The following TRIM14 variants were observed in gnomAD, a reference collection of about 807,000 sequenced individuals.
TRIM14 encodes the protein tripartite motif-containing protein 14.
TRIM14 carries 28 observed loss-of-function variants against 44.5 expected under a neutral mutation model. That is an observed-to-expected ratio of 0.63 (90% confidence interval 0.47 to 0.86). The LOEUF is 0.86. Ranked by LOEUF, TRIM14 falls within the 40% of genes least tolerant of loss-of-function variation. The pLI, the probability that TRIM14 is intolerant of heterozygous loss-of-function variation, is 0.00. For missense variants in TRIM14, 607 were observed against 611.1 expected (o/e 0.99, Z 0.07); for synonymous variants, 299 against 269.2 (o/e 1.11, Z -1.08).
At chr9:98,078,622 G>C (rs1326403742) in intron 6 of TRIM14, among the ~76,000 whole-genome samples, 1 of 151,890 alleles carries the variant, frequency 6.6e-6, no homozygotes, top group Non-Finnish European at 1.5e-5. Context: ...GATCACCTGA[G>C]GTCAGGAGTT....
intron 2 of TRIM14, among the ~76,000 whole-genome samples, chr9:98,102,184 G>T (rs1826424427): frequency 6.6e-6 from 1 of 152,136 alleles, no homozygotes; most frequent in South Asian, 2.1e-4. Flanking sequence ...CTGCACCCAG[G>T]CATCCTGTCT....
chr9:98,087,464 T>A lies in TRIM14; in HGVS notation c.*6A>T. On this transcript the variant is annotated 3_prime_UTR_variant, in exon 6 of 6. Transcript: ENST00000341469. ...TACCTGGAGGCTGTCACGCCGGTCCTGGCCCCTAGGGCAGCCGGGGGATGC... is the reference window on the plus strand; with the variant it reads ...TACCTGGAGGCTGTCACGCCGGTCCAGGCCCCTAGGGCAGCCGGGGGATGC... The A allele has an allele frequency of 6.2e-7, 1 of 1,606,410 alleles. No individual in the cohort carries two copies.
At chr9:98,067,827 T>G (rs1195512928), downstream of TRIM14, among the ~76,000 whole-genome samples, 1 of 133,452 alleles carries the variant, frequency 7.5e-6, no homozygotes, top group East Asian at 2.0e-4. Context: ...GCTCAAGCAA[T>G]CCTCCCACCT....
chr9:98,046,322 G>A, the TRIM14 span, among the ~76,000 whole-genome samples: 9 of 152,096 alleles, frequency 5.9e-5, no homozygotes, highest in Admixed American at 5.2e-4. Flanking sequence ...CGTACTAAAG[G>A]TAACTTACAG....
chr9:98,113,258 C>T (rs544334915), intron 1 of TRIM14, among the ~76,000 whole-genome samples: 55 of 152,146 alleles, frequency 3.6e-4, no homozygotes, highest in African/African-American at 1.3e-3. Context: ...CATTGATCTG[C>T]TCTTTAATAG....
At chr9:98,043,509 A>T in the TRIM14 span, among the ~76,000 whole-genome samples, 2 of 152,198 alleles carry the variant, frequency 1.3e-5, no homozygotes, top group Non-Finnish European at 2.9e-5. Context: ...GAAAAATCAG[A>T]TAGCAAAATT....
the TRIM14 span, chr9:98,057,088 A>T: frequency 8.4e-7 from 1 of 1,195,464 alleles, no homozygotes; most frequent in Non-Finnish European, 1.1e-6. Flanking sequence ...AATCCTTCGG[A>T]TCCCTCTTCC....
At chr9:98,051,209 G>A in the TRIM14 span, among the ~76,000 whole-genome samples, 1 of 152,122 alleles carries the variant, frequency 6.6e-6, no homozygotes, top group Non-Finnish European at 1.5e-5. Context: ...TATGACTATC[G>A]CGAGGATAAC....
At chr9:98,082,344 A>G (rs1479327686), downstream of TRIM14, among the ~76,000 whole-genome samples, 1 of 152,180 alleles carries the variant, frequency 6.6e-6, no homozygotes, top group East Asian at 1.9e-4. Flanking sequence ...GTTATGTTTC[A>G]TCTTGGCTGT....
chr9:98,110,064 C>A, intron 1 of TRIM14, 80 bp from the exon 2 acceptor site: 1 of 1,059,400 alleles, frequency 9.4e-7, no homozygotes. Context: ...GTCACCTCCT[C>A]TTACCCTTGT....
At chr9:98,094,736 G>A in intron 4 of TRIM14, 131 bp downstream of exon 4, 1 of 1,062,990 alleles carries the variant, frequency 9.4e-7, no homozygotes, top group South Asian at 1.5e-5. Flanking sequence ...AGGCCCAGGA[G>A]CCCCTGACCG....
At chr9:98,066,283 G>A (rs368766402), downstream of TRIM14, among the ~76,000 whole-genome samples, 297 of 152,292 alleles carry the variant, frequency 2.0e-3, no homozygotes, top group African/African-American at 6.9e-3. Context: ...CCTTTCAGGA[G>A]GTCCACAAAG....
In TRIM14 at chr9:98,117,805, G is replaced by A. The variant is rs558710158; in HGVS notation, c.207+1177C>T. Among the ~76,000 whole-genome samples, 8 of 152,340 alleles carry A rather than the reference G, an allele frequency of 5.3e-5. No individual in the cohort carries two copies. The East Asian group carries it at 1.3e-3, about 26-fold the overall frequency. ...TGAATCTTATTACTTCAAGTTGACA[G>A]TAGGTAGTGGGTAGGGGGATGGACA... On this transcript the variant is annotated intron_variant, in intron 1 of 5. Transcript: ENST00000341469.
chr9:98,098,044 G>A (rs1044399627), intron 3 of TRIM14, among the ~76,000 whole-genome samples: 1 of 152,152 alleles, frequency 6.6e-6, no homozygotes, highest in African/African-American at 2.4e-5. Flanking sequence ...CTGGCTTGGC[G>A]GGTTTTGTGT....
the TRIM14 span, among the ~76,000 whole-genome samples, chr9:98,043,456 C>T: frequency 1.3e-5 from 2 of 152,150 alleles, no homozygotes; most frequent in African/African-American, 4.8e-5. Context: ...CATGGGCCAC[C>T]ATGCCTGGCT....
At chr9:98,105,657 T>C (rs1826584139) in intron 2 of TRIM14, among the ~76,000 whole-genome samples, 1 of 152,042 alleles carries the variant, frequency 6.6e-6, no homozygotes, top group Non-Finnish European at 1.5e-5. Flanking sequence ...AAACACAGTG[T>C]GAGTGACCTG....
At chr9:98,055,904 A>AT in the TRIM14 span, among the ~76,000 whole-genome samples, 4 of 151,482 alleles carry the variant, frequency 2.6e-5, no homozygotes, top group African/African-American at 9.7e-5. Context: ...CGCCCGGCTA[A>AT]TTTTTTTGTA....
chr9:98,087,685 A>AGGTC lies in TRIM14; in HGVS notation c.1113_1114insGACC (p.Trp372AspfsTer138). 1 of 1,601,674 alleles carries AGGTC rather than the reference A, an allele frequency of 6.2e-7. No individual in the cohort carries two copies. The highest frequency in any genetic ancestry group is 8.5e-7 in the Non-Finnish European group (1 of 1,178,650). ...CTGCGCTGGCCGTCGTGGAAGGCCC[A>AGGTC]GTACTCAAGGTCGTAGCGCTTGAGG... On this transcript the variant is annotated frameshift_variant, in exon 6 of 6. Transcript: ENST00000341469. LOFTEE classifies it high-confidence loss of function.
At chr9:98,061,792 AT>A in the TRIM14 span, among the ~76,000 whole-genome samples, 3 of 151,220 alleles carry the variant, frequency 2.0e-5, no homozygotes, top group African/African-American at 7.3e-5. Context: ...AAAAAAAAAA[AT>A]TAATAATAAT....
Sources: gnomAD v4.1 joint callset for allele counts (sites outside exome capture counted in the v4.1 genomes callset) on GRCh38, gnomAD v4.1.1 for gene constraint, MANE v1.5 for transcripts, NCBI Gene and HGNC (gene_info 2026-07-23, HGNC 2026-07-21) for gene names.